Variants in DTNA observed in about 807,000 individuals in gnomAD.
The protein encoded by DTNA is dystrophin-related protein 3.
DTNA carries 43 observed loss-of-function variants against 100.7 expected under a neutral mutation model. That is an observed-to-expected ratio of 0.43 (90% CI 0.33 to 0.55). The LOEUF (loss-of-function observed/expected upper bound fraction) is 0.55, where lower values mean the gene tolerates loss of function less well. Ranked by LOEUF, DTNA falls within the 20% of genes least tolerant of loss-of-function variation. The pLI is 0.04. For missense variants in DTNA, 798 were observed against 953.9 expected, an observed-to-expected ratio of 0.84 and a Z score of 2.15; for synonymous variants, 349 against 347.9, an observed-to-expected ratio of 1.00 and a Z score of -0.04.
chr18:34,682,353 C>G (rs1210950566), intron 1 of DTNA, among the ~76,000 whole-genome samples: 1 of 152,092 alleles, frequency 6.6e-6, no homozygotes, highest in Non-Finnish European at 1.5e-5. Context: ...TTTGCCATTA[C>G]TTTTTGATTT....
chr18:34,669,221 C>A (rs2076387447), intron 1 of DTNA, among the ~76,000 whole-genome samples: 1 of 152,136 alleles, frequency 6.6e-6, no homozygotes, highest in Non-Finnish European at 1.5e-5. Flanking sequence ...GGTTTAAAGT[C>A]TGTTTTATCA....
At chr18:34,621,338 G>T (rs2056464252) in intron 1 of DTNA, among the ~76,000 whole-genome samples, 1 of 151,656 alleles carries the variant, frequency 6.6e-6, no homozygotes, top group African/African-American at 2.4e-5. Flanking sequence ...TGTGGGAACT[G>T]GTAATGCTTT....
chr18:34,529,016 A>G (rs2042903348), intron 1 of DTNA, among the ~76,000 whole-genome samples: 1 of 152,154 alleles, frequency 6.6e-6, no homozygotes, highest in African/African-American at 2.4e-5. Context: ...GTGGCTGTCC[A>G]CTGGCACTGC....
intron 2 of DTNA, among the ~76,000 whole-genome samples, chr18:34,763,830 A>C (rs1413341703): frequency 6.6e-6 from 1 of 152,222 alleles, no homozygotes; most frequent in Admixed American, 6.5e-5. Context: ...ACTGGGTACC[A>C]GACAGATAAA....
At chr18:34,627,738 G>A (rs1459492981) in intron 1 of DTNA, among the ~76,000 whole-genome samples, 1 of 152,166 alleles carries the variant, frequency 6.6e-6, no homozygotes, top group Non-Finnish European at 1.5e-5. Context: ...GATTGTGCCA[G>A]TGCAGCTGTG....
intron 16 of DTNA, among the ~76,000 whole-genome samples, chr18:34,860,240 T>G (rs1282626972): frequency 2.1e-5 from 3 of 141,422 alleles, no homozygotes; most frequent in Non-Finnish European, 4.6e-5. Context: ...TTTTTTTTTT[T>G]TTTTTTTTTG....
intron 1 of DTNA, among the ~76,000 whole-genome samples, chr18:34,568,394 T>A (rs986056943): frequency 2.6e-5 from 4 of 152,120 alleles, no homozygotes; most frequent in African/African-American, 9.7e-5. Context: ...AAAGATAAGA[T>A]CTTAGGTAAC....
intron 1 of DTNA, among the ~76,000 whole-genome samples, chr18:34,632,681 A>G (rs944740871): frequency 1.3e-5 from 2 of 152,200 alleles, no homozygotes; most frequent in Admixed American, 1.3e-4. Flanking sequence ...AAAGATTTTT[A>G]TCTGGGAACT....
At chr18:34,860,021 T>C (rs2096599126) in intron 16 of DTNA, among the ~76,000 whole-genome samples, 1 of 151,190 alleles carries the variant, frequency 6.6e-6, no homozygotes, top group Admixed American at 6.6e-5. Flanking sequence ...TTGGGAAGTA[T>C]TACATTCTTT....
intron 1 of DTNA, among the ~76,000 whole-genome samples, chr18:34,555,782 A>T (rs2045966296): frequency 6.6e-6 from 1 of 151,792 alleles, no homozygotes. Context: ...TGCTGAGGAG[A>T]GCTTTACTTC....
At chr18:34,636,936 A>G (rs898682287) in intron 1 of DTNA, among the ~76,000 whole-genome samples, 8 of 152,168 alleles carry the variant, frequency 5.3e-5, no homozygotes, top group Non-Finnish European at 1.0e-4. Flanking sequence ...TTGATGCTCA[A>G]TGGATGCTTA....
rs535024031 is a variant in DTNA at position 34,569,908 on chromosome 18, C to A, written c.-2+76394C>A. On this transcript the variant is annotated intron_variant, in intron 1 of 19. Coordinates refer to the DTNA transcript ENST00000283365. The stretch of plus-strand genomic sequence containing the variant: ...ACATACACACACACACACACACACA[C>A]AAAATAATAATAATAATATCACAGA... Among the ~76,000 whole-genome samples the A allele has an allele frequency of 6.8e-4, 103 of 150,828 alleles. 1 individual carries two copies. The highest frequency in any genetic ancestry group is 1.2e-3 in the African/African-American group (47 of 40,712).
intron 9 of DTNA, chr18:34,825,282 A>T (rs1189769240): frequency 6.2e-7 from 1 of 1,613,418 alleles, no homozygotes; most frequent in Non-Finnish European, 8.5e-7. Context: ...CTTGGTAAGT[A>T]GTGCAGTCAT....
chr18:34,577,364 T>C (rs1019209318), intron 1 of DTNA, among the ~76,000 whole-genome samples: 9 of 148,528 alleles, frequency 6.1e-5, no homozygotes, highest in African/African-American at 2.1e-4. Flanking sequence ...ATTTAAAGCA[T>C]TTTTTATATA....
At chr18:34,530,409 A>G (rs1222392521) in intron 1 of DTNA, among the ~76,000 whole-genome samples, 2 of 152,054 alleles carry the variant, frequency 1.3e-5, no homozygotes, top group African/African-American at 4.8e-5. Context: ...AAATAAAATC[A>G]TTCTGAAATC....
At chr18:34,782,461 G>A (rs2094362085) in intron 3 of DTNA, among the ~76,000 whole-genome samples, 1 of 152,116 alleles carries the variant, frequency 6.6e-6, no homozygotes, top group South Asian at 2.1e-4. Context: ...AATAACTATG[G>A]AAAATATGTA....
chr18:34,499,888 G>T (rs764806132), intron 1 of DTNA, among the ~76,000 whole-genome samples: 2 of 151,996 alleles, frequency 1.3e-5, no homozygotes, highest in Non-Finnish European at 2.9e-5. Flanking sequence ...TATGTGGTTT[G>T]CATTGGGAAT....
intron 1 of DTNA, among the ~76,000 whole-genome samples, chr18:34,716,341 C>T (rs1376507112): frequency 1.3e-5 from 2 of 152,066 alleles, no homozygotes; most frequent in South Asian, 2.1e-4. Flanking sequence ...GCGGGTGGAT[C>T]GCCTGAGATC....
At chr18:34,675,227 C>T (rs147799885) in intron 1 of DTNA, among the ~76,000 whole-genome samples, 20 of 152,032 alleles carry the variant, frequency 1.3e-4, no homozygotes, top group Admixed American at 2.6e-4. Context: ...CTACTAGATG[C>T]CAGTTGCACG....
Sources: gnomAD v4.1 joint callset for allele counts (sites outside exome capture counted in the v4.1 genomes callset) on GRCh38, gnomAD v4.1.1 for gene constraint, MANE v1.5 for transcripts, NCBI Gene and HGNC (gene_info 2026-07-23, HGNC 2026-07-21) for gene names.